The following PHF20 variants were observed in gnomAD, a reference collection of about 807,000 sequenced individuals.
The protein encoded by PHF20 is PHD finger protein 20, also known as glioma-expressed antigen 2.
Under a neutral mutation model 113.5 loss-of-function variants are expected in PHF20, and 23 were observed. That is an observed-to-expected ratio of 0.20 (90% confidence interval 0.15 to 0.29). The LOEUF (loss-of-function observed/expected upper bound fraction) is 0.29, where lower values mean the gene tolerates loss of function less well. PHF20 is among the 10% of genes least tolerant of loss of function. The pLI is 1.00. For missense variants in PHF20, 943 were observed against 1,219.6 expected (o/e 0.77, Z 3.38); for synonymous variants, 434 against 457.3 (o/e 0.95, Z 0.65).
intron 2 of PHF20, among the ~76,000 whole-genome samples, chr20:35,805,885 A>C (rs1461986507): frequency 6.7e-6 from 1 of 148,684 alleles, no homozygotes; most frequent in African/African-American, 2.5e-5. Context: ...CGTTTGGGAC[A>C]GAGTCTTGCT....
intron 1 of PHF20, among the ~76,000 whole-genome samples, chr20:35,789,167 G>A (rs1261189499): frequency 6.6e-6 from 1 of 152,076 alleles, no homozygotes; most frequent in African/African-American, 2.4e-5. Context: ...TTTAACCCCA[G>A]CACTTTGGGA....
intron 2 of PHF20, among the ~76,000 whole-genome samples, chr20:35,809,400 G>A (rs1213803106): frequency 1.3e-5 from 2 of 152,016 alleles, no homozygotes; most frequent in African/African-American, 4.8e-5. Context: ...CCAACATGGT[G>A]AAACCCTGTC....
chr20:35,940,728 G>T (rs2055961046), intron 16 of PHF20, 136 bp from the exon 17 acceptor site: 10 of 761,658 alleles, frequency 1.3e-5, no homozygotes, highest in Non-Finnish European at 2.2e-5. Flanking sequence ...TCCTAAGTGG[G>T]AAATAGGAAA....
intron 1 of PHF20, among the ~76,000 whole-genome samples, chr20:35,785,415 G>A (rs2041388294): frequency 6.6e-6 from 1 of 152,002 alleles, no homozygotes; most frequent in African/African-American, 2.4e-5. Flanking sequence ...TGCCTCCTGG[G>A]TTCAAGCGAT....
At chr20:35,921,280 G>T (rs1009717613) in intron 13 of PHF20, among the ~76,000 whole-genome samples, 2 of 152,008 alleles carry the variant, frequency 1.3e-5, no homozygotes, top group Admixed American at 1.3e-4. Flanking sequence ...GTGGTGGCGG[G>T]CTTCATTGTC....
intron 13 of PHF20, among the ~76,000 whole-genome samples, chr20:35,921,075 C>T (rs948563103): frequency 3.3e-5 from 5 of 152,152 alleles, no homozygotes; most frequent in Non-Finnish European, 5.9e-5. Flanking sequence ...TGACTTGGAG[C>T]ACTTCAGTGG....
intron 2 of PHF20, among the ~76,000 whole-genome samples, chr20:35,840,827 C>G (rs1055318940): frequency 1.3e-5 from 2 of 152,024 alleles, no homozygotes; most frequent in African/African-American, 4.8e-5. Flanking sequence ...TCTTTATGAC[C>G]TTGGCCACCA....
At chr20:35,870,002 A>T (rs1042118855) in intron 7 of PHF20, among the ~76,000 whole-genome samples, 1 of 152,040 alleles carries the variant, frequency 6.6e-6, no homozygotes, top group African/African-American at 2.4e-5. Flanking sequence ...TTTACTAAAA[A>T]TATAAAAATT....
intron 15 of PHF20, among the ~76,000 whole-genome samples, chr20:35,933,954 T>C (rs1265431365): frequency 6.6e-6 from 1 of 152,264 alleles, no homozygotes; most frequent in Non-Finnish European, 1.5e-5. Context: ...ATCCTGGCTC[T>C]GTCAGGTACT....
intron 1 of PHF20, among the ~76,000 whole-genome samples, chr20:35,776,390 G>T (rs1169739410): frequency 1.3e-5 from 2 of 152,166 alleles, no homozygotes. Context: ...CTAAATGGGT[G>T]CTCCAGAAAG....
intron 14 of PHF20, among the ~76,000 whole-genome samples, chr20:35,929,659 T>C (rs1457364585): frequency 6.6e-6 from 1 of 152,246 alleles, no homozygotes; most frequent in Non-Finnish European, 1.5e-5. Flanking sequence ...TCTTTCTCTC[T>C]ACTTTTCCTT....
At chr20:35,927,027 G>A (rs528828176) in intron 13 of PHF20, among the ~76,000 whole-genome samples, 1 of 152,068 alleles carries the variant, frequency 6.6e-6, no homozygotes, top group Non-Finnish European at 1.5e-5. Flanking sequence ...CTGTCCACAT[G>A]TCTCCCAGTG....
intron 3 of PHF20, among the ~76,000 whole-genome samples, chr20:35,844,491 CTG>C (rs1379075248): frequency 4.2e-5 from 6 of 143,210 alleles, no homozygotes; most frequent in Non-Finnish European, 7.5e-5. Flanking sequence ...GCTCCTCACT[CTG>C]TCATTATAAA....
At chr20:35,872,558 A>C (rs1260858592) in intron 9 of PHF20, among the ~76,000 whole-genome samples, 1 of 152,184 alleles carries the variant, frequency 6.6e-6, no homozygotes. Flanking sequence ...TACATTTCCC[A>C]CTGAGAACTG....
At chr20:35,892,954 T>A (rs561064221) in intron 9 of PHF20, among the ~76,000 whole-genome samples, 1 of 152,256 alleles carries the variant, frequency 6.6e-6, no homozygotes, top group Admixed American at 6.5e-5. Flanking sequence ...CAGAAACTAC[T>A]TTGTCTTAGT....
chr20:35,811,329 G>A (rs532449849), intron 2 of PHF20, among the ~76,000 whole-genome samples: 17 of 152,160 alleles, frequency 1.1e-4, no homozygotes, highest in Non-Finnish European at 2.4e-4. Context: ...ACAGGCGTGA[G>A]CCACCACGTT....
At chr20:35,837,989 A>G (rs928713117) in intron 2 of PHF20, among the ~76,000 whole-genome samples, 3 of 152,160 alleles carry the variant, frequency 2.0e-5, no homozygotes, top group Non-Finnish European at 4.4e-5. Context: ...CTTGGCTACT[A>G]TTGAGCCTCT....
Position 35,872,739 on chromosome 20 carries a change from T to C in PHF20, c.1282+910T>C, listed in dbSNP as rs993462607. On this transcript the variant is annotated intron_variant, in intron 9 of 17. Coordinates refer to ENST00000374012, the MANE Select transcript of PHF20 (RefSeq NM_016436.5). ...TTGCTATTGATTTCTAATATAGTTT[T>C]ACTGTGGTCAGAGAACATACTCTGT... 2.0e-5 allele frequency among the ~76,000 whole-genome samples: 3 copies of C among 152,380 alleles called. No individual in the cohort carries two copies. The East Asian group carries it at 5.8e-4, about 29-fold the overall frequency.
chr20:35,853,573 C>A (rs1000616967), intron 4 of PHF20, among the ~76,000 whole-genome samples: 1 of 151,986 alleles, frequency 6.6e-6, no homozygotes, highest in Non-Finnish European at 1.5e-5. Context: ...GACCCCAATG[C>A]CCCGCTATCT....
Sources: allele counts gnomAD v4.1 joint callset (sites outside exome capture counted in the v4.1 genomes callset), GRCh38; gene constraint gnomAD v4.1.1; transcripts MANE v1.5; gene names NCBI Gene and HGNC (gene_info 2026-07-23, HGNC 2026-07-21).